TAFA5: variants seen among roughly 807,000 people sequenced by gnomAD.
TAFA5 encodes chemokine-like protein TAFA-5.
A neutral mutation model predicts 15.3 loss-of-function variants in TAFA5; 6 were observed. The ratio of observed to expected loss-of-function variants is 0.39; its 90% CI spans 0.21 to 0.77. The LOEUF (loss-of-function observed/expected upper bound fraction) is 0.77, where lower values mean the gene tolerates loss of function less well. Ranked by LOEUF, TAFA5 falls within the 30% of genes least tolerant of loss-of-function variation. The pLI, the probability that TAFA5 is intolerant of heterozygous loss-of-function variation, is 0.41. For synonymous variants in TAFA5, 103 were observed against 80.7 expected (o/e 1.28, Z -1.48); for missense variants, 161 against 193.1 (o/e 0.83, Z 0.98).
chr22:48,718,316 G>A (rs895449603), intron 3 of TAFA5, among the ~76,000 whole-genome samples: 8 of 152,180 alleles, frequency 5.3e-5, no homozygotes, highest in Non-Finnish European at 7.4e-5. Context: ...AGGAAGAAGG[G>A]GGATGCTGTA....
intron 1 of TAFA5, among the ~76,000 whole-genome samples, chr22:48,632,208 C>A (rs977336592): frequency 6.6e-6 from 1 of 152,312 alleles, no homozygotes; most frequent in East Asian, 1.9e-4. Flanking sequence ...CAACCCTTAC[C>A]GCCACGGGCC....
intron 3 of TAFA5, among the ~76,000 whole-genome samples, chr22:48,749,203 C>A (rs769113785): frequency 6.6e-6 from 1 of 152,206 alleles, no homozygotes; most frequent in Non-Finnish European, 1.5e-5. Flanking sequence ...AGTGGACCCT[C>A]CCTCAGATCC....
At chr22:48,683,692 C>G (rs1928264253) in intron 2 of TAFA5, among the ~76,000 whole-genome samples, 1 of 152,240 alleles carries the variant, frequency 6.6e-6, no homozygotes, top group South Asian at 2.1e-4. Context: ...TGCAAACTTT[C>G]AAACTTGTCA....
At chr22:48,594,798 G>A (rs977269058) in intron 1 of TAFA5, among the ~76,000 whole-genome samples, 4 of 152,192 alleles carry the variant, frequency 2.6e-5, no homozygotes, top group Non-Finnish European at 4.4e-5. Flanking sequence ...GCGTAAGGAC[G>A]GGCGCCCTGC....
At chr22:48,521,160 G>A (rs1417947535) in intron 1 of TAFA5, among the ~76,000 whole-genome samples, 3 of 152,214 alleles carry the variant, frequency 2.0e-5, no homozygotes, top group African/African-American at 7.2e-5. Flanking sequence ...CATTTCATCA[G>A]TTATTGCCCT....
chr22:48,737,354 G>T (rs545997533), intron 3 of TAFA5, among the ~76,000 whole-genome samples: 8 of 152,302 alleles, frequency 5.3e-5, no homozygotes, highest in South Asian at 2.1e-4. Context: ...TAGGGACCCC[G>T]AGCTGCCCTA....
intron 2 of TAFA5, among the ~76,000 whole-genome samples, chr22:48,656,468 T>C (rs1927247767): frequency 6.6e-6 from 1 of 151,138 alleles, no homozygotes; most frequent in African/African-American, 2.4e-5. Context: ...ATCGCGTCAC[T>C]GAACTCCAGC....
chr22:48,717,021 A>G (rs1458277159), intron 3 of TAFA5, among the ~76,000 whole-genome samples: 2 of 152,232 alleles, frequency 1.3e-5, no homozygotes, highest in Admixed American at 6.5e-5. Flanking sequence ...AATGCTTTCT[A>G]AAAATCTCTC....
chr22:48,651,028 A>G (rs1404280274), intron 2 of TAFA5, among the ~76,000 whole-genome samples: 2 of 152,262 alleles, frequency 1.3e-5, no homozygotes, highest in Non-Finnish European at 2.9e-5. Flanking sequence ...CCAGGCATGC[A>G]GTACCTGGCT....
chr22:48,708,301 G>T (rs1231297694), intron 3 of TAFA5, among the ~76,000 whole-genome samples: 2 of 152,076 alleles, frequency 1.3e-5, no homozygotes, highest in African/African-American at 2.4e-5. Flanking sequence ...TGCTCCTTCC[G>T]TCCCTGGGCC....
chr22:48,576,646 C>G (rs902826751), intron 1 of TAFA5: 319 of 1,260,428 alleles, frequency 2.5e-4, no homozygotes, highest in Non-Finnish European at 3.1e-4. Flanking sequence ...CCCGACCCGG[C>G]TTCCAGCACG....
chr22:48,748,432 A>G (rs1296558883), intron 3 of TAFA5, among the ~76,000 whole-genome samples: 1 of 152,232 alleles, frequency 6.6e-6, no homozygotes, highest in African/African-American at 2.4e-5. Flanking sequence ...GACCCAGGCC[A>G]CAAGTGTCCA....
chr22:48,673,239 G>T (rs776705495), intron 2 of TAFA5, among the ~76,000 whole-genome samples: 2 of 152,174 alleles, frequency 1.3e-5, no homozygotes, highest in Non-Finnish European at 2.9e-5. Context: ...GTCTGCTCTG[G>T]TTTGATGTGG....
chr22:48,570,872 G>A (rs970665483), intron 1 of TAFA5, among the ~76,000 whole-genome samples: 2 of 152,240 alleles, frequency 1.3e-5, no homozygotes, highest in South Asian at 2.1e-4. Context: ...ATATACCATT[G>A]TAAAGATTTT....
At position 48,702,940 on chromosome 22, in the gene TAFA5, G is replaced by A. The variant is rs75380748; in HGVS notation, c.263-4777G>A. The stretch of plus-strand genomic sequence containing the variant: ...AGGGCCGGCCCGCTGGTGCCCTCGG[G>A]AGGGCCAGGCCCAGGGACGGGGCAG... On this transcript the variant is annotated intron_variant, in intron 2 of 3. Coordinates refer to ENST00000402357, the MANE Select transcript of TAFA5 (RefSeq NM_001082967.3). 3.3e-3 allele frequency among the ~76,000 whole-genome samples: 510 copies of A among 152,382 alleles called. 2 individuals carry two copies. The highest frequency in any genetic ancestry group is 0.012 in the African/African-American group (492 of 41,600).
intron 3 of TAFA5, among the ~76,000 whole-genome samples, chr22:48,745,238 C>T (rs781726652): frequency 1.3e-4 from 19 of 151,314 alleles, no homozygotes; most frequent in Non-Finnish European, 1.2e-4. Flanking sequence ...TTGGCACACA[C>T]GGCTTTGTCG....
intron 2 of TAFA5, among the ~76,000 whole-genome samples, chr22:48,651,254 G>T (rs1017927005): frequency 6.6e-6 from 1 of 152,198 alleles, no homozygotes; most frequent in African/African-American, 2.4e-5. Flanking sequence ...GGTCGTGGGC[G>T]GGGGCAGTTT....
At chr22:48,537,903 G>T (rs904390623) in intron 1 of TAFA5, among the ~76,000 whole-genome samples, 1 of 152,190 alleles carries the variant, frequency 6.6e-6, no homozygotes, top group African/African-American at 2.4e-5. Flanking sequence ...GTAGGGTCAG[G>T]GTGAGGGGGT....
intron 1 of TAFA5, among the ~76,000 whole-genome samples, chr22:48,493,274 G>A (rs887432920): frequency 8.5e-5 from 13 of 152,306 alleles, no homozygotes; most frequent in African/African-American, 3.1e-4. Flanking sequence ...AGACAGACAG[G>A]TTCACTATGT....
Sources: gnomAD v4.1 joint callset for allele counts (sites outside exome capture counted in the v4.1 genomes callset) on GRCh38, gnomAD v4.1.1 for gene constraint, MANE v1.5 for transcripts, NCBI Gene and HGNC (gene_info 2026-07-23, HGNC 2026-07-21) for gene names.